The following CNKSR3 variants were observed in gnomAD, a reference collection of about 807,000 sequenced individuals.
The protein encoded by CNKSR3 is connector enhancer of kinase suppressor of ras 3.
In CNKSR3, 36 loss-of-function variants were observed where a neutral mutation model predicts 67.7. That is an observed-to-expected ratio of 0.53 (90% CI 0.41 to 0.70). The LOEUF (loss-of-function observed/expected upper bound fraction) is 0.70. CNKSR3 is among the 30% of genes least tolerant of loss of function. The probability of loss-of-function intolerance (pLI) is 0.00; values close to 1 mark genes in which losing one functional copy is unlikely to be tolerated. For missense variants in CNKSR3, 630 were observed against 695.2 expected (o/e 0.91, Z 1.05); for synonymous variants, 281 against 271.4 (o/e 1.04, Z -0.35).
chr6:154,438,321 G>A (rs117671087), intron 4 of CNKSR3, among the ~76,000 whole-genome samples: 2 of 151,812 alleles, frequency 1.3e-5, no homozygotes, highest in East Asian at 1.9e-4. Flanking sequence ...ATTATCCACT[G>A]TATTTACATA....
In CNKSR3 at chr6:154,510,051, A is replaced by G. The variant is rs899726829; in HGVS notation, c.52+12T>C. On this transcript the variant is annotated intron_variant, in intron 1 of 12. Coordinates refer to ENST00000607772, the MANE Select transcript of CNKSR3 (RefSeq NM_173515.4). ...GGCTGGAGGACTCCGGACCCCCCCA[A>G]GGCCCGCGCACCTCTAGTCCAGTCC... 9.3e-6 allele frequency: 15 copies of G among 1,613,678 alleles called. No individual in the cohort carries two copies. In the Admixed American group the frequency reaches 2.2e-4, roughly 23 times the overall value.
At chr6:154,439,159 C>A (rs1413145491) in intron 4 of CNKSR3, among the ~76,000 whole-genome samples, 1 of 152,162 alleles carries the variant, frequency 6.6e-6, no homozygotes, top group East Asian at 1.9e-4. Flanking sequence ...CCTTCCCTCC[C>A]TAGCATTGCT....
intron 1 of CNKSR3, among the ~76,000 whole-genome samples, chr6:154,479,493 G>T (rs1786523228): frequency 1.3e-5 from 2 of 152,150 alleles, no homozygotes; most frequent in Non-Finnish European, 1.5e-5. Flanking sequence ...GCATTCAGCT[G>T]CTCCATCCAA....
intron 4 of CNKSR3, among the ~76,000 whole-genome samples, chr6:154,435,184 C>T (rs118171521): frequency 0.026 from 4,010 of 151,958 alleles, 73 homozygotes; most frequent in Non-Finnish European, 0.042. Flanking sequence ...TTTGTAGAGA[C>T]GGGGTTTCAC....
intron 10 of CNKSR3, among the ~76,000 whole-genome samples, chr6:154,413,139 T>TGCAC (rs145145922): frequency 6.9e-6 from 1 of 144,994 alleles, no homozygotes; most frequent in Non-Finnish European, 1.5e-5. Context: ...GAATTTATGG[T>TGCAC]ACACACACAC....
At chr6:154,446,179 G>T (rs896905067) in intron 2 of CNKSR3, among the ~76,000 whole-genome samples, 7 of 152,070 alleles carry the variant, frequency 4.6e-5, no homozygotes, top group Admixed American at 6.5e-5. Context: ...TTCACCATCC[G>T]GGATCCTTTC....
chr6:154,408,005 A>G (rs920746310), intron 12 of CNKSR3, among the ~76,000 whole-genome samples: 4 of 151,278 alleles, frequency 2.6e-5, no homozygotes, highest in Admixed American at 1.3e-4. Context: ...ATTCATTTTT[A>G]CATAGTATTA....
chr6:154,478,698 A>G (rs1050944313), intron 1 of CNKSR3, among the ~76,000 whole-genome samples: 1 of 151,752 alleles, frequency 6.6e-6, no homozygotes, highest in Non-Finnish European at 1.5e-5. Context: ...TTTATTTAAA[A>G]CTCCCTTTGT....
At position 154,428,186 on chromosome 6, in the gene CNKSR3, C is replaced by T. The variant is rs751755770; in HGVS notation, c.671G>A (p.Gly224Asp). ...ATCATAGGTTGATTTGATGTACATG[C>T]CCTGGAGTGAATCACAAATAGATTA... ...LPNIKPGEGL[G>D]MYIKSTYDGL... The change falls in exon 7 of 13, where the codon GGC becomes GAC. Residue 224 changes from glycine to aspartate, a missense_variant and splice_region_variant. By Grantham distance (94) the Gly-to-Asp change is moderately conservative. Around this residue, in one of 3 missense-constraint regions of CNKSR3, gnomAD observed 133 missense variants for 190.6 expected, o/e 0.70. Coordinates refer to ENST00000607772, the MANE Select transcript of CNKSR3 (RefSeq NM_173515.4). The T allele has an allele frequency of 7.5e-6, 12 of 1,603,988 alleles. No individual in the cohort carries two copies. In the South Asian group the frequency reaches 7.7e-5, roughly 10 times the overall value.
chr6:154,405,561 A>C lies in CNKSR3; in HGVS notation c.*793T>G, dbSNP rs1562315649. ...ACTGAACAGGTCAAAATGCAAACTC[A>C]TGTATCTTTCATCAACCTAAATCTT... On this transcript the variant is annotated 3_prime_UTR_variant, in exon 13 of 13. Coordinates refer to ENST00000607772, the MANE Select transcript of CNKSR3 (RefSeq NM_173515.4). 6.6e-6 allele frequency: 1 copy of C among 152,240 alleles called. No homozygotes were observed. Among genetic ancestry groups the C allele is most frequent in the East Asian group, 1.9e-4 (1 of 5,198 alleles). The allele number at this position is 152,240 out of a possible 1,614,324, so 9.4% of individuals were successfully genotyped here.
chr6:154,467,079 G>A (rs1786218600), intron 1 of CNKSR3, among the ~76,000 whole-genome samples: 1 of 152,130 alleles, frequency 6.6e-6, no homozygotes, highest in African/African-American at 2.4e-5. Flanking sequence ...ACTGTTTCCA[G>A]TTAGAGCCCT....
At position 154,403,734 on chromosome 6, in the gene CNKSR3, C is replaced by T. The variant is rs754420337; in HGVS notation, c.*2620G>A. On this transcript the variant is annotated 3_prime_UTR_variant, in exon 13 of 13. Transcript: ENST00000607772. Reference sequence around the variant, plus strand: ...GGAACTTCTCTCGCGGGTCCTGGGACTCCAGGGAACAAAGGCTGAAAAGCA... The same window carrying T: ...GGAACTTCTCTCGCGGGTCCTGGGATTCCAGGGAACAAAGGCTGAAAAGCA... 1.3e-5 allele frequency: 2 copies of T among 152,092 alleles called. No homozygotes were observed. Among genetic ancestry groups the T allele is most frequent in the South Asian group, 2.1e-4 (1 of 4,822 alleles). 9.4% of individuals were successfully genotyped at this position (152,092 alleles called of 1,614,324 possible). A position where few individuals can be genotyped will look rare whatever the true frequency, so the allele number is the denominator to read the frequency against.
intron 1 of CNKSR3, among the ~76,000 whole-genome samples, chr6:154,468,842 G>C (rs1786265193): frequency 6.6e-6 from 1 of 152,132 alleles, no homozygotes; most frequent in Non-Finnish European, 1.5e-5. Context: ...TTAATCCCTA[G>C]ACCTCAGTTT....
chr6:154,510,212 G>T lies in CNKSR3; in HGVS notation c.-98C>A. The stretch of plus-strand genomic sequence containing the variant: ...TTCCCGGGAGGGCGCGCCCGCGGCT[G>T]CTCCCCTGCGCCCGAGCGACTCCGT... On this transcript the variant is annotated 5_prime_UTR_variant, in exon 1 of 13. Transcript: ENST00000607772. 7.1e-7 allele frequency: 1 copy of T among 1,403,612 alleles called. No individual in the cohort carries two copies. The highest frequency in any genetic ancestry group is 1.0e-6 in the Non-Finnish European group (1 of 998,996). The allele number at this position is 1,403,612 out of a possible 1,614,324, so 86.9% of individuals were successfully genotyped here. A position where few individuals can be genotyped will look rare whatever the true frequency, so the allele number is the denominator to read the frequency against.
intron 1 of CNKSR3, among the ~76,000 whole-genome samples, chr6:154,465,324 T>G (rs1786174444): frequency 7.1e-6 from 1 of 141,502 alleles, no homozygotes; most frequent in Non-Finnish European, 1.5e-5. Flanking sequence ...TCCTCTAATA[T>G]TCAAAAGAAT....
intron 1 of CNKSR3, among the ~76,000 whole-genome samples, chr6:154,459,639 C>CA (rs1415920114): frequency 6.6e-6 from 1 of 152,210 alleles, no homozygotes; most frequent in African/African-American, 2.4e-5. Context: ...AAAGCAAACT[C>CA]AACTTTCTTG....
chr6:154,444,607 T>G (rs1192861644), intron 2 of CNKSR3, among the ~76,000 whole-genome samples: 2 of 130,808 alleles, frequency 1.5e-5, no homozygotes, highest in African/African-American at 6.0e-5. Context: ...TGGAGAAACT[T>G]TTTTTTTTTT....
chr6:154,447,390 A>C (rs1453999241), intron 2 of CNKSR3, among the ~76,000 whole-genome samples: 1 of 152,152 alleles, frequency 6.6e-6, no homozygotes, highest in Non-Finnish European at 1.5e-5. Flanking sequence ...GCAGCTCTAT[A>C]ATCGGTCTCA....
At chr6:154,466,536 A>G (rs1786202604) in intron 1 of CNKSR3, among the ~76,000 whole-genome samples, 1 of 151,928 alleles carries the variant, frequency 6.6e-6, no homozygotes, top group Non-Finnish European at 1.5e-5. Context: ...CTTAAAGAAA[A>G]CATGTTGGGG....
Sources: allele counts gnomAD v4.1 joint callset (sites outside exome capture counted in the v4.1 genomes callset), GRCh38; gene constraint gnomAD v4.1.1; regional missense constraint gnomAD v4.1.1; transcripts MANE v1.5; gene names NCBI Gene and HGNC (gene_info 2026-07-23, HGNC 2026-07-21).